The following RUNDC3B variants were observed in gnomAD, a reference collection of about 807,000 sequenced individuals.
RUNDC3B encodes RUN domain containing 3B.
A neutral mutation model predicts 58.4 loss-of-function variants in RUNDC3B; 33 were observed. That is an observed-to-expected ratio of 0.56 (90% CI 0.43 to 0.75). The LOEUF (loss-of-function observed/expected upper bound fraction) is 0.75. RUNDC3B is among the 30% of genes least tolerant of loss of function. The probability of loss-of-function intolerance (pLI) is 0.00; values close to 1 mark genes in which losing one functional copy is unlikely to be tolerated. For synonymous variants in RUNDC3B, 193 were observed against 195.2 expected, an observed-to-expected ratio of 0.99 and a Z score of 0.10; for missense variants, 501 against 535.7, an observed-to-expected ratio of 0.94 and a Z score of 0.64.
intron 8 of RUNDC3B, among the ~76,000 whole-genome samples, chr7:87,785,760 C>T (rs1343639360): frequency 6.6e-6 from 1 of 152,152 alleles, no homozygotes; most frequent in African/African-American, 2.4e-5. Flanking sequence ...GGGATGGGAA[C>T]CTATGGTTGC....
At chr7:87,700,329 C>A in intron 2 of RUNDC3B, 92 bp from the exon 3 acceptor site, 1 of 1,119,780 alleles carries the variant, frequency 8.9e-7, no homozygotes, top group South Asian at 1.7e-5. Flanking sequence ...CACTATATTA[C>A]CTTTATTTTT....
intron 2 of RUNDC3B, among the ~76,000 whole-genome samples, chr7:87,674,709 T>C (rs962259639): frequency 1.3e-5 from 2 of 152,070 alleles, no homozygotes; most frequent in Non-Finnish European, 1.5e-5. Context: ...GGAGGCATGA[T>C]AGGGCCCCCA....
At chr7:87,829,419 C>G (rs1206929761) in intron 10 of RUNDC3B, among the ~76,000 whole-genome samples, 1 of 152,050 alleles carries the variant, frequency 6.6e-6, no homozygotes, top group Admixed American at 6.6e-5. Context: ...TATGGCTAGA[C>G]AGCTATCCCA....
chr7:87,778,095 C>T, intron 8 of RUNDC3B, 140 bp downstream of exon 8: 1 of 682,106 alleles, frequency 1.5e-6, no homozygotes, highest in Non-Finnish European at 2.4e-6. Flanking sequence ...TGAAAGTTTA[C>T]TTATGTTCTT....
chr7:87,648,231 C>G (rs1257065017), intron 1 of RUNDC3B, among the ~76,000 whole-genome samples: 3 of 150,586 alleles, frequency 2.0e-5, no homozygotes, highest in Non-Finnish European at 4.4e-5. Context: ...TGATAATGCT[C>G]AAAGTGAGAT....
intron 2 of RUNDC3B, among the ~76,000 whole-genome samples, chr7:87,673,603 T>G (rs1202262843): frequency 6.6e-6 from 1 of 152,234 alleles, no homozygotes; most frequent in Non-Finnish European, 1.5e-5. Flanking sequence ...ATATTTCGGC[T>G]TCTGTATCCG....
chr7:87,709,271 G>A (rs1829863805), intron 3 of RUNDC3B: 33 of 985,186 alleles, frequency 3.3e-5, no homozygotes, highest in Non-Finnish European at 4.0e-5. Flanking sequence ...TCTCTGGAGA[G>A]CAACTTTCTT....
At position 87,628,868 on chromosome 7, in the gene RUNDC3B, T is replaced by TGGCGGCGGA; in HGVS notation, c.52_60dup (p.Gly18_Gly20dup). ...GGGGCCTGAGCGGGATCCGCGGCGG[T>TGGCGGCGGA]GGCGGCGGAGGCGGCAAGAAAAGCC... On this transcript the variant is annotated inframe_insertion, in exon 1 of 11. Coordinates refer to ENST00000394654, the MANE Select transcript of RUNDC3B (RefSeq NM_001134405.2). 2.3e-6 allele frequency: 3 copies of TGGCGGCGGA among 1,282,432 alleles called. No homozygotes were observed. Among genetic ancestry groups the TGGCGGCGGA allele is most frequent in the Non-Finnish European group, 3.0e-6 (3 of 1,007,392 alleles). The allele number at this position is 1,282,432 out of a possible 1,614,324, so 79.4% of individuals were successfully genotyped here. A position where few individuals can be genotyped will look rare whatever the true frequency, so the allele number is the denominator to read the frequency against.
chr7:87,683,848 A>C (rs915857440), intron 2 of RUNDC3B, among the ~76,000 whole-genome samples: 4 of 152,254 alleles, frequency 2.6e-5, no homozygotes, highest in Admixed American at 6.5e-5. Context: ...CGTGTAAAAA[A>C]TACAATATCT....
intron 6 of RUNDC3B, among the ~76,000 whole-genome samples, chr7:87,768,045 G>T (rs914727292): frequency 6.6e-6 from 1 of 152,162 alleles, no homozygotes; most frequent in Non-Finnish European, 1.5e-5. Context: ...CTCTGTGTAG[G>T]GAGAGGGAGG....
intron 6 of RUNDC3B, among the ~76,000 whole-genome samples, chr7:87,766,069 T>G (rs574094994): frequency 6.6e-6 from 1 of 152,146 alleles, no homozygotes; most frequent in African/African-American, 2.4e-5. Context: ...TTTTTCACTG[T>G]TGTTGATTTA....
intron 2 of RUNDC3B, among the ~76,000 whole-genome samples, chr7:87,660,089 G>T (rs975137192): frequency 2.0e-5 from 3 of 151,978 alleles, no homozygotes; most frequent in African/African-American, 4.8e-5. Context: ...GGGTTTTGTT[G>T]TCAAGGTTAT....
chr7:87,773,095 G>A (rs558155692), intron 7 of RUNDC3B, among the ~76,000 whole-genome samples: 7 of 152,010 alleles, frequency 4.6e-5, no homozygotes, highest in East Asian at 1.9e-4. Flanking sequence ...AGGCCGAGGC[G>A]GGCGGATCAC....
At chr7:87,780,288 G>C (rs755761800) in intron 8 of RUNDC3B, among the ~76,000 whole-genome samples, 3 of 152,090 alleles carry the variant, frequency 2.0e-5, no homozygotes, top group Non-Finnish European at 2.9e-5. Flanking sequence ...CTTATCATCT[G>C]TTGTTTTGCA....
At chr7:87,677,235 T>C (rs908434870) in intron 2 of RUNDC3B, among the ~76,000 whole-genome samples, 6 of 150,136 alleles carry the variant, frequency 4.0e-5, no homozygotes, top group Admixed American at 1.3e-4. Flanking sequence ...CCTAAGTAGC[T>C]GTCAACAGAA....
At chr7:87,729,777 C>T (rs1831470998) in intron 4 of RUNDC3B, among the ~76,000 whole-genome samples, 1 of 152,148 alleles carries the variant, frequency 6.6e-6, no homozygotes, top group African/African-American at 2.4e-5. Flanking sequence ...CATCGCTGCC[C>T]CAAACACAGG....
chr7:87,785,434 A>T (rs574579233), intron 8 of RUNDC3B, among the ~76,000 whole-genome samples: 26 of 152,292 alleles, frequency 1.7e-4, no homozygotes, highest in Admixed American at 1.6e-3. Context: ...AACCCTGGAC[A>T]GTGTACTCCA....
At chr7:87,697,009 A>G (rs185927457) in intron 2 of RUNDC3B, among the ~76,000 whole-genome samples, 3 of 152,274 alleles carry the variant, frequency 2.0e-5, no homozygotes, top group African/African-American at 4.8e-5. Flanking sequence ...TTGGTTTTCA[A>G]CAGCTCTACT....
chr7:87,743,113 C>CA (rs111300265), intron 6 of RUNDC3B, among the ~76,000 whole-genome samples: 5,431 of 110,730 alleles, frequency 0.049, 103 homozygotes, highest in Middle Eastern at 0.079. Flanking sequence ...GATTCCGTCT[C>CA]AAAAAAAAAA....
Sources: allele counts gnomAD v4.1 joint callset (sites outside exome capture counted in the v4.1 genomes callset), GRCh38; gene constraint gnomAD v4.1.1; transcripts MANE v1.5; gene names NCBI Gene and HGNC (gene_info 2026-07-23, HGNC 2026-07-21).